RAD54B: variants seen among roughly 807,000 people sequenced by gnomAD.
RAD54B encodes RAD54 homolog B.
RAD54B carries 78 observed loss-of-function variants against 95.8 expected under a neutral mutation model. The ratio of observed to expected loss-of-function variants is 0.81; its 90% CI spans 0.68 to 0.98. The LOEUF (loss-of-function observed/expected upper bound fraction) is 0.98. RAD54B is among the 50% of genes least tolerant of loss of function. The pLI is 0.00. For missense variants in RAD54B, 957 were observed against 1,056.6 expected (o/e 0.91, Z 1.31); for synonymous variants, 328 against 354.9 (o/e 0.92, Z 0.85).
At chr8:94,444,450 T>A (rs1461450740) in intron 3 of RAD54B, among the ~76,000 whole-genome samples, 1 of 150,768 alleles carries the variant, frequency 6.6e-6, no homozygotes, top group Non-Finnish European at 1.5e-5. Context: ...AACTATGATG[T>A]ATTCATACCA....
chr8:94,412,406 A>G (rs1359551782), intron 3 of RAD54B, among the ~76,000 whole-genome samples: 1 of 151,816 alleles, frequency 6.6e-6, no homozygotes, highest in Non-Finnish European at 1.5e-5. Flanking sequence ...CAGAAGTGAA[A>G]GTGTTGGATC....
intron 3 of RAD54B, among the ~76,000 whole-genome samples, chr8:94,413,294 A>G (rs552970126): frequency 6.6e-6 from 1 of 152,340 alleles, no homozygotes; most frequent in South Asian, 2.1e-4. Context: ...GTTTACAATA[A>G]TGCTGCGATA....
intron 3 of RAD54B, among the ~76,000 whole-genome samples, chr8:94,434,247 C>T (rs980565407): frequency 4.6e-5 from 7 of 151,784 alleles, no homozygotes; most frequent in Non-Finnish European, 7.4e-5. Context: ...TAAACATAGA[C>T]ATAATACTAC....
In RAD54B at chr8:94,449,048, G is replaced by GCACACACA. The variant is rs137936104; in HGVS notation, c.304+9212_304+9219dup. On this transcript the variant is annotated intron_variant, in intron 3 of 14. Transcript: ENST00000336148. ...CATGCATATACATACACACATGCAT[G>GCACACACA]CACACACACACACACACACATACAC... Among the ~76,000 whole-genome samples the GCACACACA allele has an allele frequency of 9.3e-5, 14 of 150,070 alleles. 1 individual carries two copies. The highest frequency in any genetic ancestry group is 2.1e-4 in the South Asian group (1 of 4,790).
chr8:94,470,001 A>G (rs1457332291), intron 1 of RAD54B, among the ~76,000 whole-genome samples: 1 of 152,236 alleles, frequency 6.6e-6, no homozygotes, highest in African/African-American at 2.4e-5. Context: ...AATGGATAGT[A>G]GCAAGCATTC....
intron 9 of RAD54B, among the ~76,000 whole-genome samples, chr8:94,392,764 ATTTT>A (rs34856809): frequency 6.7e-4 from 49 of 72,600 alleles, no homozygotes; most frequent in African/African-American, 2.4e-3. Context: ...CACCTGGCTG[ATTTT>A]TTTTTTTTTT....
At chr8:94,425,688 A>G (rs13267853) in intron 3 of RAD54B, among the ~76,000 whole-genome samples, 1 of 152,120 alleles carries the variant, frequency 6.6e-6, no homozygotes, top group Non-Finnish European at 1.5e-5. Flanking sequence ...TATAAAATAA[A>G]CCTAGAAGAT....
In RAD54B at chr8:94,378,290, A is replaced by G. The variant is rs148253477; in HGVS notation, c.2405T>C (p.Ile802Thr). 2.9e-5 allele frequency: 46 copies of G among 1,613,828 alleles called. No homozygotes were observed. The highest frequency in any genetic ancestry group is 1.0e-4 in the Admixed American group (6 of 60,002). Residue 802 changes from isoleucine to threonine, a missense_variant, in exon 14 of 15, where the codon ATT (isoleucine) becomes ACT (threonine). Physicochemically the swap from Ile to Thr is moderately conservative, Grantham distance 89 (BLOSUM62 -1). Transcript: ENST00000336148. ...TTTAAGTTCTTCTACTGAAAACTGAATATGTTCAGATGTCTTGGTGAGGTC... is the reference window on the plus strand; with the variant it reads ...TTTAAGTTCTTCTACTGAAAACTGAGTATGTTCAGATGTCTTGGTGAGGTC... ...VVDLTKTSEH[I>T]QFSVEELKNL...
chr8:94,467,225 G>A (rs1328532066), intron 2 of RAD54B, among the ~76,000 whole-genome samples, 180 bp downstream of exon 2: 1 of 152,104 alleles, frequency 6.6e-6, no homozygotes, highest in Non-Finnish European at 1.5e-5. Flanking sequence ...ACTGTGCCCA[G>A]CCTGTTATTC....
At chr8:94,432,197 T>A in intron 3 of RAD54B, 1 of 1,550,326 alleles carries the variant, frequency 6.5e-7, no homozygotes, top group Non-Finnish European at 8.7e-7. Context: ...CCACTTCAAT[T>A]TTTGCTCTTA....
chr8:94,379,275 G>A (rs1421723253), intron 12 of RAD54B, among the ~76,000 whole-genome samples: 3 of 152,154 alleles, frequency 2.0e-5, no homozygotes, highest in East Asian at 1.9e-4. Flanking sequence ...ATTTCTGGAG[G>A]CTAAAGACTG....
intron 4 of RAD54B, among the ~76,000 whole-genome samples, chr8:94,410,848 A>C (rs1157498312): frequency 6.6e-6 from 1 of 152,190 alleles, no homozygotes; most frequent in African/African-American, 2.4e-5. Context: ...TCAGAAAAGT[A>C]CCAAAATAAC....
At chr8:94,432,916 A>C (rs753569331) in intron 3 of RAD54B, among the ~76,000 whole-genome samples, 1 of 152,130 alleles carries the variant, frequency 6.6e-6, no homozygotes, top group Non-Finnish European at 1.5e-5. Flanking sequence ...ATATTATAGA[A>C]GGCCAATGAA....
intron 10 of RAD54B, among the ~76,000 whole-genome samples, chr8:94,388,950 A>G (rs2129978309): frequency 6.6e-6 from 1 of 152,356 alleles, no homozygotes; most frequent in East Asian, 1.9e-4. Flanking sequence ...AACCAAATTA[A>G]GAGACTGAAT....
intron 5 of RAD54B, among the ~76,000 whole-genome samples, chr8:94,406,586 C>G (rs902358091): frequency 6.6e-6 from 1 of 152,122 alleles, no homozygotes; most frequent in African/African-American, 2.4e-5. Context: ...TCTTCCTGGG[C>G]CTCAGTTTTC....
chr8:94,442,979 T>C (rs1159175232), intron 3 of RAD54B, among the ~76,000 whole-genome samples: 1 of 152,174 alleles, frequency 6.6e-6, no homozygotes, highest in Non-Finnish European at 1.5e-5. Context: ...TCCTAGTCAC[T>C]AAACCTTTCA....
chr8:94,458,272 A>G lies in RAD54B; in HGVS notation c.300T>C (p.His100=). ...APTLATLDPP[H]TVHSAPKEVA... is the part of the protein sequence containing the mutation. ...ATCAATAAAAAGCAGTCTTACCTGT[A>G]TGAGGTGGATCTAATGTTGCCAGTG... Residue 100 remains histidine, a synonymous_variant, in exon 3 of 15, where the codon CAT becomes CAC. Transcript: ENST00000336148. 2 of 1,601,692 alleles carry G rather than the reference A, an allele frequency of 1.2e-6. No homozygotes were observed. Among genetic ancestry groups the G allele is most frequent in the Non-Finnish European group, 1.7e-6 (2 of 1,176,026 alleles).
intron 10 of RAD54B, among the ~76,000 whole-genome samples, chr8:94,388,642 A>G (rs1168607629): frequency 6.6e-6 from 1 of 152,216 alleles, no homozygotes; most frequent in African/African-American, 2.4e-5. Flanking sequence ...CTTTAAGGGC[A>G]GTGAATCCTA....
intron 1 of RAD54B, among the ~76,000 whole-genome samples, chr8:94,472,489 T>C (rs1008345420): frequency 5.9e-5 from 9 of 152,202 alleles, no homozygotes; most frequent in African/African-American, 1.7e-4. Context: ...TGAAATAAGA[T>C]AATGAGCCTT....
Sources: allele counts gnomAD v4.1 joint callset (sites outside exome capture counted in the v4.1 genomes callset), GRCh38; gene constraint gnomAD v4.1.1; transcripts MANE v1.5; gene names NCBI Gene and HGNC (gene_info 2026-07-23, HGNC 2026-07-21).